ARSI: variants seen among roughly 807,000 people sequenced by gnomAD.
The protein encoded by ARSI is arylsulfatase family member I, also known as arylsulfatase I.
A neutral mutation model predicts 42.1 loss-of-function variants in ARSI; 37 were observed. That is an observed-to-expected ratio of 0.88 (90% CI 0.68 to 1.16). The LOEUF (loss-of-function observed/expected upper bound fraction) is 1.16. Ranked by LOEUF, ARSI falls within the 50% of genes most tolerant of loss-of-function variation. ARSI has a pLI of 0.00. For synonymous variants in ARSI, 305 were observed against 320.3 expected (o/e 0.95, Z 0.51); for missense variants, 725 against 790.1 (o/e 0.92, Z 0.99).
intron 1 of ARSI, 82 bp from the exon 2 acceptor site, chr5:150,298,694 G>T: frequency 7.4e-7 from 1 of 1,347,536 alleles, no homozygotes; most frequent in Non-Finnish European, 1.0e-6. Context: ...CAGTACCACT[G>T]TGAGGTGGGC....
Position 150,296,873 on chromosome 5 carries a change from G to A in ARSI, c.*341C>T, listed in dbSNP as rs1348507096. ...AAAGGAGTTGTCAAGTGGCAAGGCC[G>A]GCCAGGAACTCCACCGTGGCCCCAG... On this transcript the variant is annotated 3_prime_UTR_variant, in exon 2 of 2. Transcript: ENST00000328668. The A allele has an allele frequency of 7.9e-5, 15 of 188,996 alleles. No individual in the cohort carries two copies. The highest frequency in any genetic ancestry group is 2.8e-4 in the East Asian group (2 of 7,072). The allele number at this position is 188,996 out of a possible 1,614,324, so 11.7% of individuals were successfully genotyped here.
rs768805160 is a variant in ARSI at position 150,302,238 on chromosome 5, G to A, written c.136C>T (p.Pro46Ser). 1 of 1,613,174 alleles carries A rather than the reference G, an allele frequency of 6.2e-7. No individual in the cohort carries two copies. The highest frequency in any genetic ancestry group is 1.1e-5 in the South Asian group (1 of 90,966). Residue 46 changes from proline (P) to serine (S), a missense_variant, in exon 1 of 2, where the codon CCT becomes TCT. Coordinates refer to ENST00000328668, the MANE Select transcript of ARSI (RefSeq NM_001012301.4). The surrounding 1 kb of genome is among the most constrained non-coding windows in gnomAD (Gnocchi z 6.1). Reference sequence around the variant, plus strand: ...GTGAGGATGAAGATGATGTGGGGAGGCTGGGGCGGAGCGGCCGAGGGCTGC... The same window carrying A: ...GTGAGGATGAAGATGATGTGGGGAGACTGGGGCGGAGCGGCCGAGGGCTGC... The part of the protein sequence containing the change: ...GEQPSAAPPQ[P>S]PHIIFILTDD...
Position 150,302,134 on chromosome 5 carries a change from C to T in ARSI, c.240G>A (p.Lys80=). The part of the protein sequence containing the change: ...ETPTLDRLAA[K]GVKLENYYIQ... The stretch of plus-strand genomic sequence containing the variant: ...TGTAATAATTCTCCAACTTGACCCC[C>T]TTGGCCGCCAGCCTGTCCAGCGTAG... The change falls in exon 1 of 2, where the codon AAG becomes AAA. Residue 80 remains lysine, a synonymous_variant. Coordinates refer to ENST00000328668, the MANE Select transcript of ARSI (RefSeq NM_001012301.4). The surrounding 1 kb of genome is among the most constrained non-coding windows in gnomAD (Gnocchi z 6.1). 5 of 1,612,932 alleles carry T rather than the reference C, an allele frequency of 3.1e-6. No individual in the cohort carries two copies. The highest frequency in any genetic ancestry group is 4.2e-6 in the Non-Finnish European group (5 of 1,179,714).
intron 1 of ARSI, 88 bp from the exon 2 acceptor site, chr5:150,298,700 T>C: frequency 7.7e-7 from 1 of 1,299,056 alleles, no homozygotes; most frequent in South Asian, 1.5e-5. Context: ...CACTGTGAGG[T>C]GGGCTGTGGT....
Position 150,301,844 on chromosome 5 carries a change from T to G in ARSI, c.311+219A>C, listed in dbSNP as rs142447681. 8.5e-4 allele frequency among the ~76,000 whole-genome samples: 130 copies of G among 152,274 alleles called. 1 individual carries two copies. Among genetic ancestry groups the G allele is most frequent in the African/African-American group, 3.0e-3 (123 of 41,538 alleles). The stretch of plus-strand genomic sequence containing the variant: ...CACGTTGTGTGGAATGTGAGTGTCC[T>G]GGAACATCAAAGCAAGAAGACCTCA... On this transcript the variant is annotated intron_variant, in intron 1 of 1. Coordinates refer to ENST00000328668, the MANE Select transcript of ARSI (RefSeq NM_001012301.4).
chr5:150,302,231 T>C lies in ARSI; in HGVS notation c.143A>G (p.His48Arg). ...GTCGTCCGTGAGGATGAAGATGATG[T>C]GGGGAGGCTGGGGCGGAGCGGCCGA... is the stretch of plus-strand genomic sequence containing the variant. ...QPSAAPPQPP[H>R]IIFILTDDQG... The change falls in exon 1 of 2, where the codon CAC becomes CGC. Residue 48 changes from histidine to arginine, a missense_variant. His to Arg is a conservative substitution (Grantham distance 29, BLOSUM62 0). Transcript: ENST00000328668. The surrounding 1 kb of genome is among the most constrained non-coding windows in gnomAD (Gnocchi z 6.1). The C allele has an allele frequency of 6.2e-7, 1 of 1,613,200 alleles. No homozygotes were observed. The highest frequency in any genetic ancestry group is 8.5e-7 in the Non-Finnish European group (1 of 1,179,896).
chr5:150,297,203 C>A lies in ARSI; in HGVS notation c.*11G>T. On this transcript the variant is annotated 3_prime_UTR_variant, in exon 2 of 2. Coordinates refer to ENST00000328668, the MANE Select transcript of ARSI (RefSeq NM_001012301.4). This position sits in a 1 kb window ranked among gnomAD's most constrained non-coding sequence, Gnocchi z 7.0. ...AGATCCTCTAAAGGACAGTTTTCTC[C>A]CTCCCCACCATCAGATCCGTTGGGA... The A allele has an allele frequency of 6.5e-7, 1 of 1,546,028 alleles. No individual in the cohort carries two copies. Among genetic ancestry groups the A allele is most frequent in the South Asian group, 1.3e-5 (1 of 78,492 alleles).
At chr5:150,301,107 C>T (rs1250759824) in intron 1 of ARSI, among the ~76,000 whole-genome samples, 1 of 152,134 alleles carries the variant, frequency 6.6e-6, no homozygotes, top group African/African-American at 2.4e-5. Flanking sequence ...CAAACTAGGC[C>T]CTCCCTGAGT....
rs1016170634 is a variant in ARSI at position 150,302,535 on chromosome 5, T to C, written c.-162A>G. On this transcript the variant is annotated 5_prime_UTR_variant, in exon 1 of 2. Transcript: ENST00000328668. This position sits in a 1 kb window ranked among gnomAD's most constrained non-coding sequence, Gnocchi z 6.1. ...GGTCCGGGACTGGCTGCCGGACGGCTGGGCCGGATCTGCTCGGCCGCAGCG... is the reference window on the plus strand; with the variant it reads ...GGTCCGGGACTGGCTGCCGGACGGCCGGGCCGGATCTGCTCGGCCGCAGCG... The C allele has an allele frequency of 5.8e-6, 3 of 512,958 alleles. No homozygotes were observed. The highest frequency in any genetic ancestry group is 5.2e-4 in the Middle Eastern group (1 of 1,906). 31.8% of individuals were successfully genotyped at this position (512,958 alleles called of 1,614,324 possible).
chr5:150,297,966 C>T lies in ARSI; in HGVS notation c.958G>A (p.Glu320Lys), dbSNP rs1484215235. 45 of 1,612,192 alleles carry T rather than the reference C, an allele frequency of 2.8e-5. No homozygotes were observed. Among genetic ancestry groups the T allele is most frequent in the Non-Finnish European group, 3.7e-5 (44 of 1,179,530 alleles). The change falls in exon 2 of 2, where the codon GAA becomes AAA. Residue 320 changes from glutamate (E) to lysine (K), a missense_variant. Glu to Lys is a moderately conservative substitution (Grantham distance 56). Transcript: ENST00000328668. This position sits in a 1 kb window ranked among gnomAD's most constrained non-coding sequence, Gnocchi z 7.0. ...AAGCCTAGGCCCCGCACGCCACCTT[C>T]CCAATAAGTGCCCTTGCGTCCTCGG... ...PLRGRKGTYW[E>K]GGVRGLGFVH...
chr5:150,298,887 C>A (rs1482108799), intron 1 of ARSI, among the ~76,000 whole-genome samples: 1 of 152,156 alleles, frequency 6.6e-6, no homozygotes, highest in Non-Finnish European at 1.5e-5. Context: ...CAAGATCACA[C>A]AGCTAGGAAG....
chr5:150,297,563 C>T lies in ARSI; in HGVS notation c.1361G>A (p.Arg454Gln), dbSNP rs376538135. ...TFPGSWWNLE[R>Q]MASVRQAVWL... is the part of the protein sequence containing the mutation. ...CACGGCCTGGCGGACACTGGCCATT[C>T]GTTCCAGGTTCCACCAGCTACCCGG... is the stretch of plus-strand genomic sequence containing the variant. Residue 454 changes from arginine to glutamine, a missense_variant, in exon 2 of 2, where the codon CGA becomes CAA. Coordinates refer to ENST00000328668, the MANE Select transcript of ARSI (RefSeq NM_001012301.4). The surrounding 1 kb of genome is among the most constrained non-coding windows in gnomAD (Gnocchi z 7.0). 65 of 1,611,700 alleles carry T rather than the reference C, an allele frequency of 4.0e-5. No homozygotes were observed. In the Middle Eastern group the frequency reaches 8.6e-3, roughly 213 times the overall value.
chr5:150,299,805 G>A (rs1230194830), intron 1 of ARSI, among the ~76,000 whole-genome samples: 7 of 152,086 alleles, frequency 4.6e-5, no homozygotes, highest in Non-Finnish European at 1.0e-4. Flanking sequence ...AGTTTTTTAA[G>A]ACCAGCTCCC....
At position 150,297,282 on chromosome 5, in the gene ARSI, A is replaced by G. The variant is rs186929954; in HGVS notation, c.1642T>C (p.Cys548Arg). ...SFSRGRRKKK[C>R]KICKLRSFFR... ...AAGGATCGAAGCTTGCAAATCTTGC[A>G]TTTTTTCTTGCGACGACCCCGGGAG... Residue 548 changes from cysteine to arginine, a missense_variant, in exon 2 of 2, where the codon TGC (cysteine) becomes CGC (arginine). Cys to Arg is a radical substitution (Grantham distance 180). Coordinates refer to ENST00000328668, the MANE Select transcript of ARSI (RefSeq NM_001012301.4). The surrounding 1 kb of genome is among the most constrained non-coding windows in gnomAD (Gnocchi z 7.0). The G allele has an allele frequency of 6.2e-7, 1 of 1,607,782 alleles. No individual in the cohort carries two copies. The highest frequency in any genetic ancestry group is 8.5e-7 in the Non-Finnish European group (1 of 1,177,496).
chr5:150,299,321 T>C (rs1757878630), intron 1 of ARSI, among the ~76,000 whole-genome samples: 1 of 152,246 alleles, frequency 6.6e-6, no homozygotes, highest in Admixed American at 6.5e-5. Flanking sequence ...CTTTTGCTTC[T>C]GGGTTCCCCT....
intron 1 of ARSI, 138 bp downstream of exon 1, chr5:150,301,925 G>T: frequency 1.1e-6 from 1 of 897,454 alleles, no homozygotes; most frequent in Non-Finnish European, 1.6e-6. Flanking sequence ...TAGAGAGGGC[G>T]AGGGACTTAC....
Position 150,297,641 on chromosome 5 carries a change from G to C in ARSI, c.1283C>G (p.Thr428Arg), listed in dbSNP as rs1757833693. ...CCAATCGCCATAGCCGGGGTCTCCT[G>C]TCAGCAGCTTCCACTCACCCACGCG... ...AIRVGEWKLL[T>R]GDPGYGDWIP... The change falls in exon 2 of 2, where the codon ACA becomes AGA. Residue 428 changes from threonine (T) to arginine (R), a missense_variant. Coordinates refer to ENST00000328668, the MANE Select transcript of ARSI (RefSeq NM_001012301.4). The surrounding 1 kb of genome is among the most constrained non-coding windows in gnomAD (Gnocchi z 7.0). The C allele has an allele frequency of 6.2e-7, 1 of 1,612,808 alleles. No individual in the cohort carries two copies. The highest frequency in any genetic ancestry group is 1.3e-5 in the African/African-American group (1 of 75,062).
rs200384227 is a variant in ARSI at position 150,297,789 on chromosome 5, C to T, written c.1135G>A (p.Glu379Lys). 3.8e-4 allele frequency: 616 copies of T among 1,604,602 alleles called. No homozygotes were observed. The highest frequency in any genetic ancestry group is 5.2e-4 in the South Asian group (47 of 90,024). The stretch of plus-strand genomic sequence containing the variant: ...TCCGTGCGTGGTGAGGCCCGGCCCT[C>T]GCTGATGGCCGGCCACACGTCGTAG... ...DGYDVWPAISEGRASPRTEIL... is the reference protein window; with the variant it reads ...DGYDVWPAISKGRASPRTEIL... Residue 379 changes from glutamate (E) to lysine (K), a missense_variant, in exon 2 of 2, where the codon GAG (glutamate) becomes AAG (lysine). Coordinates refer to ENST00000328668, the MANE Select transcript of ARSI (RefSeq NM_001012301.4). The surrounding 1 kb of genome is among the most constrained non-coding windows in gnomAD (Gnocchi z 7.0).
Position 150,298,563 on chromosome 5 carries a change from G to A in ARSI, c.361C>T (p.Pro121Ser), listed in dbSNP as rs1757865536. 1.9e-6 allele frequency: 3 copies of A among 1,613,532 alleles called. No individual in the cohort carries two copies. Among genetic ancestry groups the A allele is most frequent in the Non-Finnish European group, 2.5e-6 (3 of 1,179,670 alleles). ...ACCTGGTCCAGGGGCAGGCAGTTGG[G>A]CTGCTGTGGGCGGATGATGGAATGC... is the stretch of plus-strand genomic sequence containing the variant. ...LQHSIIRPQQ[P>S]NCLPLDQVTL... The change falls in exon 2 of 2, where the codon CCC becomes TCC. Residue 121 changes from proline (P) to serine (S), a missense_variant. Coordinates refer to ENST00000328668, the MANE Select transcript of ARSI (RefSeq NM_001012301.4).
Sources: gnomAD v4.1 joint callset for allele counts (sites outside exome capture counted in the v4.1 genomes callset) on GRCh38, gnomAD v4.1.1 for gene constraint, Gnocchi (gnomAD v3.1) non-coding constraint, MANE v1.5 for transcripts, NCBI Gene and HGNC (gene_info 2026-07-23, HGNC 2026-07-21) for gene names.